Variants in SF3A1 observed in about 807,000 individuals in gnomAD.
SF3A1 encodes SAP 114.
A neutral mutation model predicts 89.9 loss-of-function variants in SF3A1; 13 were observed. The ratio of observed to expected loss-of-function variants is 0.14; its 90% CI spans 0.09 to 0.23. The LOEUF (loss-of-function observed/expected upper bound fraction) is 0.23, where lower values mean the gene tolerates loss of function less well. SF3A1 is among the 10% of genes least tolerant of loss of function. SF3A1 has a pLI of 1.00. For synonymous variants in SF3A1, 405 were observed against 374.4 expected (o/e 1.08, Z -0.94); for missense variants, 604 against 1,022.1 (o/e 0.59, Z 5.58).
chr22:30,337,716 C>CG lies in SF3A1; in HGVS notation c.1924dup (p.Arg642ProfsTer38). On this transcript the variant is annotated frameshift_variant, in exon 12 of 16. Transcript: ENST00000215793. LOFTEE classifies it high-confidence loss of function. ...TGTTGGCACAATCATGGGGGGTGGG[C>CG]GGGGGGCCATAATAGGAGGGGCCGA... 1 of 1,323,352 alleles carries CG rather than the reference C, an allele frequency of 7.6e-7. No homozygotes were observed. Among genetic ancestry groups the CG allele is most frequent in the Non-Finnish European group, 9.8e-7 (1 of 1,019,732 alleles). 82.0% of individuals were successfully genotyped at this position (1,323,352 alleles called of 1,614,324 possible).
In SF3A1 at chr22:30,333,176, A is replaced by T. The variant is rs1044658967; in HGVS notation, c.*1418T>A. ...ACAGGATAAGGGATGACATCCCATC[A>T]ATCAAGTTGAAAATGGGAGGGACCC... is the stretch of plus-strand genomic sequence containing the variant. On this transcript the variant is annotated 3_prime_UTR_variant, in exon 16 of 16. Transcript: ENST00000215793. 3.7e-4 allele frequency: 56 copies of T among 152,226 alleles called. No homozygotes were observed. Among genetic ancestry groups the T allele is most frequent in the African/African-American group, 1.4e-3 (56 of 41,442 alleles). The allele number at this position is 152,226 out of a possible 1,614,324, so 9.4% of individuals were successfully genotyped here.
At chr22:30,347,540 G>T (rs1480618583) in intron 2 of SF3A1, among the ~76,000 whole-genome samples, 1 of 152,104 alleles carries the variant, frequency 6.6e-6, no homozygotes, top group Non-Finnish European at 1.5e-5. Flanking sequence ...TCCCCAGCAA[G>T]CCTTCAAAAC....
intron 1 of SF3A1, among the ~76,000 whole-genome samples, chr22:30,355,359 A>G (rs1458199912): frequency 6.6e-6 from 1 of 152,196 alleles, no homozygotes; most frequent in Non-Finnish European, 1.5e-5. Flanking sequence ...TGAGAGATGG[A>G]GAGCTTAATG....
Position 30,337,675 on chromosome 22 carries a change from G to A in SF3A1, c.1951+15C>T, listed in dbSNP as rs757538397. On this transcript the variant is annotated intron_variant, in intron 12 of 15. Coordinates refer to ENST00000215793, the MANE Select transcript of SF3A1 (RefSeq NM_005877.6). Reference sequence around the variant, plus strand: ...CTGAACTAATGGCCTGGAAAATGATGCAAGAGATACTGACCTGTTGGCACA... The same window carrying A: ...CTGAACTAATGGCCTGGAAAATGATACAAGAGATACTGACCTGTTGGCACA... The A allele has an allele frequency of 3.4e-5, 32 of 951,684 alleles. No homozygotes were observed. Among genetic ancestry groups the A allele is most frequent in the Non-Finnish European group, 4.6e-5 (30 of 656,636 alleles). 59.0% of individuals were successfully genotyped at this position (951,684 alleles called of 1,614,324 possible).
At chr22:30,342,918 A>G (rs1213127120) in intron 4 of SF3A1, 39 bp from the exon 5 acceptor site, 1 of 1,336,308 alleles carries the variant, frequency 7.5e-7, no homozygotes, top group Non-Finnish European at 1.1e-6. Flanking sequence ...TCAGTGCTTT[A>G]CAACGCAGTA....
At chr22:30,335,275 C>G (rs1409255625) in intron 15 of SF3A1, among the ~76,000 whole-genome samples, 192 bp downstream of exon 15, 1 of 152,170 alleles carries the variant, frequency 6.6e-6, no homozygotes, top group Non-Finnish European at 1.5e-5. Context: ...TACTGTGACC[C>G]CACCAGAGCC....
rs1289259756 is a variant in SF3A1 at position 30,356,840 on chromosome 22, T to A, written c.-48A>T. On this transcript the variant is annotated 5_prime_UTR_variant, in exon 1 of 16. Transcript: ENST00000215793. ...AGTCCGCCTCGGTGTCGGTGAGCGG[T>A]GCCGCCTCAAGACAGCCTCCCCGCT... 3 of 1,295,084 alleles carry A rather than the reference T, an allele frequency of 2.3e-6. No homozygotes were observed. The highest frequency in any genetic ancestry group is 3.0e-6 in the Non-Finnish European group (3 of 1,013,578). The allele number at this position is 1,295,084 out of a possible 1,614,324, so 80.2% of individuals were successfully genotyped here.
rs745796426 is a variant in SF3A1 at position 30,340,214 on chromosome 22, C to T, written c.1357G>A (p.Asp453Asn). 6.3e-7 allele frequency: 1 copy of T among 1,582,238 alleles called. No homozygotes were observed. The highest frequency in any genetic ancestry group is 8.6e-7 in the Non-Finnish European group (1 of 1,165,646). Residue 453 changes from aspartate to asparagine, a missense_variant, in exon 9 of 16, where the codon GAT becomes AAT. Asp to Asn is a conservative substitution (Grantham distance 23). Around this residue, in one of 9 missense-constraint regions of SF3A1, gnomAD observed 146 missense variants for 228.5 expected, o/e 0.64. Coordinates refer to ENST00000215793, the MANE Select transcript of SF3A1 (RefSeq NM_005877.6). ...DRSIREKQSD[D>N]EVYAPGLDIE... The stretch of plus-strand genomic sequence containing the variant: ...ACCTCACCTGGTGCGTACACCTCAT[C>T]ATCGCTCTGCTTCTCACGGATGGAG...
intron 4 of SF3A1, 126 bp from the exon 5 acceptor site, chr22:30,343,005 C>A: frequency 1.7e-6 from 1 of 602,618 alleles, no homozygotes; most frequent in Non-Finnish European, 2.9e-6. Context: ...CCAATCCCAG[C>A]TCCACTTGGC....
chr22:30,346,162 TG>T, intron 3 of SF3A1, 149 bp downstream of exon 3: 1 of 645,956 alleles, frequency 1.5e-6, no homozygotes. Context: ...CTTTGCTGTC[TG>T]GGCCTCGGTC....
chr22:30,340,538 G>A, intron 8 of SF3A1, 157 bp from the exon 9 acceptor site: 2 of 876,048 alleles, frequency 2.3e-6, no homozygotes, highest in South Asian at 3.0e-5. Flanking sequence ...AGATGACTGG[G>A]CCCTGTTCCC....
intron 1 of SF3A1, among the ~76,000 whole-genome samples, chr22:30,356,184 T>C (rs1931823492): frequency 6.6e-6 from 1 of 152,214 alleles, no homozygotes; most frequent in East Asian, 1.9e-4. Context: ...CATATGTCTG[T>C]CTTCTCGTTA....
At position 30,342,404 on chromosome 22, in the gene SF3A1, T is replaced by A. The variant is rs996980767; in HGVS notation, c.727-54A>T. On this transcript the variant is annotated intron_variant, in intron 5 of 15. Coordinates refer to ENST00000215793, the MANE Select transcript of SF3A1 (RefSeq NM_005877.6). The stretch of plus-strand genomic sequence containing the variant: ...ACGCTGAAGCAGGGTCTGCTCCTGA[T>A]GAGGCTACCACCTCCAGGGCTTTCA... 4.5e-6 allele frequency: 7 copies of A among 1,542,624 alleles called. No homozygotes were observed. In the Admixed American group the frequency reaches 5.8e-5, roughly 13 times the overall value.
intron 1 of SF3A1, 128 bp from the exon 2 acceptor site, chr22:30,353,200 CTCTACT>C: frequency 8.3e-7 from 1 of 1,199,522 alleles, no homozygotes. Flanking sequence ...GGTTAGAACC[CTCTACT>C]TCAGAAAAGC....
chr22:30,353,924 C>T (rs1383757266), intron 1 of SF3A1, among the ~76,000 whole-genome samples: 3 of 152,164 alleles, frequency 2.0e-5, no homozygotes, highest in South Asian at 2.1e-4. Flanking sequence ...TAACCCTGCA[C>T]CCAGCGATGG....
chr22:30,352,376 C>G (rs1194247390), intron 2 of SF3A1, among the ~76,000 whole-genome samples: 2 of 152,056 alleles, frequency 1.3e-5, no homozygotes, highest in African/African-American at 4.8e-5. Context: ...GAACTCGGAA[C>G]AATGCCCATT....
intron 11 of SF3A1, 67 bp downstream of exon 11, chr22:30,338,722 G>C: frequency 6.2e-7 from 1 of 1,603,852 alleles, no homozygotes; most frequent in South Asian, 1.1e-5. Flanking sequence ...GCACTTCTCA[G>C]CCAACAGTGT....
At chr22:30,344,835 G>A (rs1367756205) in intron 4 of SF3A1, 98 bp downstream of exon 4, 4 of 1,380,588 alleles carry the variant, frequency 2.9e-6, no homozygotes, top group Non-Finnish European at 4.0e-6. Flanking sequence ...CCATGGAGAA[G>A]CGATGTCCTT....
chr22:30,341,936 T>C, intron 6 of SF3A1, 51 bp from the exon 7 acceptor site: 1 of 1,561,662 alleles, frequency 6.4e-7, no homozygotes, highest in Non-Finnish European at 8.7e-7. Flanking sequence ...ACCCACCTAT[T>C]TGCCCTGTCT....
Sources: allele counts gnomAD v4.1 joint callset (sites outside exome capture counted in the v4.1 genomes callset), GRCh38; gene constraint gnomAD v4.1.1; regional missense constraint gnomAD v4.1.1; transcripts MANE v1.5; gene names NCBI Gene and HGNC (gene_info 2026-07-23, HGNC 2026-07-21).